Variants in DYRK4 observed in about 807,000 individuals in gnomAD.
The protein encoded by DYRK4 is dual specificity tyrosine-phosphorylation-regulated kinase 4.
Under a neutral mutation model 68.3 loss-of-function variants are expected in DYRK4, and 64 were observed. The observed-to-expected ratio is 0.94, with a 90% confidence interval of 0.77 to 1.15. DYRK4 has a LOEUF of 1.15. DYRK4 is among the 50% of genes most tolerant of loss of function. The probability of loss-of-function intolerance (pLI) is 0.00; values close to 1 mark genes in which losing one functional copy is unlikely to be tolerated. For synonymous variants in DYRK4, 274 were observed against 289.9 expected, an observed-to-expected ratio of 0.95 and a Z score of 0.56; for missense variants, 740 against 764.7, an observed-to-expected ratio of 0.97 and a Z score of 0.38.
chr12:4,563,650 A>C (rs1309091517), intron 1 of DYRK4, among the ~76,000 whole-genome samples: 1 of 152,252 alleles, frequency 6.6e-6, no homozygotes, highest in Non-Finnish European at 1.5e-5. Flanking sequence ...ACCACAAGGC[A>C]GGCTCTCTCT....
intron 10 of DYRK4, among the ~76,000 whole-genome samples, chr12:4,601,610 A>G (rs1055829757): frequency 2.3e-4 from 35 of 152,356 alleles, no homozygotes; most frequent in Non-Finnish European, 4.1e-4. Flanking sequence ...GTATAAATAT[A>G]AAGAAGATAT....
intron 2 of DYRK4, among the ~76,000 whole-genome samples, chr12:4,575,288 A>G (rs1335545923): frequency 1.1e-4 from 7 of 62,596 alleles, no homozygotes; most frequent in Non-Finnish European, 2.5e-4. Flanking sequence ...CAATTTACTA[A>G]CAATAACTTA....
intron 10 of DYRK4, chr12:4,602,263 T>C: frequency 9.2e-7 from 1 of 1,087,050 alleles, no homozygotes; most frequent in Non-Finnish European, 1.4e-6. Flanking sequence ...CTCTCTTTTC[T>C]TTTGCAACCA....
intron 2 of DYRK4, among the ~76,000 whole-genome samples, chr12:4,582,837 C>G (rs987233267): frequency 6.6e-6 from 1 of 151,592 alleles, no homozygotes; most frequent in African/African-American, 2.4e-5. Context: ...AGGGCCATGA[C>G]AAGGGTTGAG....
intron 11 of DYRK4, among the ~76,000 whole-genome samples, chr12:4,606,297 T>G (rs1222737372): frequency 6.9e-6 from 1 of 144,368 alleles, no homozygotes; most frequent in Non-Finnish European, 1.6e-5. Context: ...TGGCTGGCTA[T>G]CTATCTATCT....
At chr12:4,602,653 A>G in intron 10 of DYRK4, 1 of 1,404,932 alleles carries the variant, frequency 7.1e-7, no homozygotes, top group African/African-American at 1.4e-5. Flanking sequence ...AGATCTGGGT[A>G]ACACCTGCTG....
intron 1 of DYRK4, chr12:4,563,070 C>T (rs949359021): frequency 1.3e-5 from 6 of 455,790 alleles, no homozygotes; most frequent in African/African-American, 6.0e-5. Flanking sequence ...TAAGTGGAGA[C>T]TCGGCAAAAG....
At chr12:4,564,228 TAATC>T (rs1346064951) in intron 1 of DYRK4, among the ~76,000 whole-genome samples, 3 of 152,154 alleles carry the variant, frequency 2.0e-5, no homozygotes, top group Admixed American at 2.0e-4. Context: ...TAGTAAACAA[TAATC>T]TATTGTATAT....
chr12:4,595,824 G>A (rs11063253), intron 6 of DYRK4, among the ~76,000 whole-genome samples: 75,904 of 151,968 alleles, frequency 0.5, 19,609 homozygotes, highest in East Asian at 0.75. Context: ...AAAACATGCA[G>A]AAAACTAGAG....
chr12:4,564,880 C>T (rs868591066), intron 1 of DYRK4, among the ~76,000 whole-genome samples: 2 of 152,088 alleles, frequency 1.3e-5, no homozygotes, highest in African/African-American at 4.8e-5. Context: ...CAATATGAGA[C>T]AAAAAATATA....
At chr12:4,572,950 C>G in intron 2 of DYRK4, 1 of 245,420 alleles carries the variant, frequency 4.1e-6, no homozygotes. Flanking sequence ...ATCAGCACTT[C>G]CTATACGAAA....
rs369962777 is a variant in DYRK4 at position 4,613,606 on chromosome 12, C to A, written c.1758C>A (p.His586Gln). Reference protein sequence around the residue: ...HSGDQQDCLQHGADTVQLPQL... With the variant: ...HSGDQQDCLQQGADTVQLPQL... ...GTGATCAGCAGGACTGTCTCCAGCA[C>A]GGAGCTGACACTGTTCAGCTGCCTC... Residue 586 changes from histidine to glutamine, a missense_variant, in exon 15 of 15, where the codon CAC becomes CAA. Physicochemically the swap from His to Gln is conservative, Grantham distance 24. This residue lies in a region of DYRK4 where 614 missense variants were observed against 603.7 expected (regional missense o/e 1.02). Transcript: ENST00000543431. The surrounding 1 kb of genome is among the most constrained non-coding windows in gnomAD (Gnocchi z 4.0). The A allele has an allele frequency of 5.0e-6, 8 of 1,614,156 alleles. No homozygotes were observed. Among genetic ancestry groups the A allele is most frequent in the Non-Finnish European group, 6.8e-6 (8 of 1,179,994 alleles).
At chr12:4,574,355 TTTTC>T (rs1290565527) in intron 2 of DYRK4, among the ~76,000 whole-genome samples, 6 of 152,212 alleles carry the variant, frequency 3.9e-5, no homozygotes, top group African/African-American at 1.4e-4. Flanking sequence ...ATTCCACTAA[TTTTC>T]TTTATCTGTT....
rs530326232 is a variant in DYRK4, at chr12:4,613,318, C to T, written c.1667-197C>T. Among the ~76,000 whole-genome samples the T allele has an allele frequency of 5.6e-4, 85 of 152,286 alleles. No individual in the cohort carries two copies. Among genetic ancestry groups the T allele is most frequent in the Admixed American group, 9.8e-4 (15 of 15,292 alleles). On this transcript the variant is annotated intron_variant, in intron 14 of 14. Transcript: ENST00000543431. The surrounding 1 kb of genome is among the most constrained non-coding windows in gnomAD (Gnocchi z 4.0). ...GAGAATAAAGCCTGTTCTCCAGGGT[C>T]GCTGAAATGATCAGACGAATTAGTA...
At position 4,567,884 on chromosome 12, in the gene DYRK4, C is replaced by T. The variant is rs1217684488; in HGVS notation, c.39-71C>T. The T allele has an allele frequency of 1.2e-5, 15 of 1,301,526 alleles. No homozygotes were observed. The East Asian group carries it at 3.3e-4, about 28-fold the overall frequency. 80.6% of individuals were successfully genotyped at this position (1,301,526 alleles called of 1,614,324 possible). A position where few individuals can be genotyped will look rare whatever the true frequency, so the allele number is the denominator to read the frequency against. On this transcript the variant is annotated intron_variant, in intron 1 of 14. Transcript: ENST00000543431. ...TTCAAACCTGCCTGCTTTCTTCTGT[C>T]CCTGAGTGTGTGGGCCATTACTTAG...
chr12:4,574,082 G>C (rs1012950560), intron 2 of DYRK4, among the ~76,000 whole-genome samples: 2 of 151,988 alleles, frequency 1.3e-5, no homozygotes, highest in African/African-American at 4.8e-5. Flanking sequence ...AAAATTAGCC[G>C]TGCGTGGTGG....
In DYRK4 at chr12:4,567,966, A is replaced by T; in HGVS notation, c.50A>T (p.Asp17Val). Reference sequence around the variant, plus strand: ...TTTCCCTCATGCAGGACTCAAATGGATGCTAAAAAGCCAAGGAAATGTGAT... The same window carrying T: ...TTTCCCTCATGCAGGACTCAAATGGTTGCTAAAAAGCCAAGGAAATGTGAT... ...PIRTGTKTQM[D>V]AKKPRKCDLT... is the part of the protein sequence containing the mutation. Residue 17 changes from aspartate to valine, a missense_variant, in exon 2 of 15, where the codon GAT becomes GTT. Asp to Val is a radical substitution (Grantham distance 152, BLOSUM62 -3). Coordinates refer to ENST00000543431, the MANE Select transcript of DYRK4 (RefSeq NM_001394779.1). 6.5e-7 allele frequency: 1 copy of T among 1,536,142 alleles called. No individual in the cohort carries two copies. The highest frequency in any genetic ancestry group is 8.7e-7 in the Non-Finnish European group (1 of 1,146,908).
chr12:4,573,491 G>A, intron 2 of DYRK4: 2 of 898,938 alleles, frequency 2.2e-6, no homozygotes, highest in Non-Finnish European at 1.6e-6. Flanking sequence ...GCGGGTGGGG[G>A]CATGTCTCTG....
intron 11 of DYRK4, among the ~76,000 whole-genome samples, chr12:4,605,403 C>G (rs1002864472): frequency 2.0e-5 from 3 of 152,134 alleles, no homozygotes; most frequent in Admixed American, 6.5e-5. Context: ...GACATGACAC[C>G]CATTAAAATC....
Sources: allele counts gnomAD v4.1 joint callset (sites outside exome capture counted in the v4.1 genomes callset), GRCh38; gene constraint gnomAD v4.1.1; regional missense constraint gnomAD v4.1.1; non-coding constraint Gnocchi (gnomAD v3.1); transcripts MANE v1.5; gene names NCBI Gene and HGNC (gene_info 2026-07-23, HGNC 2026-07-21).